Variants in PUM2 observed in about 807,000 individuals in gnomAD.
PUM2 encodes pumilio RNA binding family member 2, also known as pumilio homolog 2.
PUM2 carries 57 observed loss-of-function variants against 124.5 expected under a neutral mutation model. The ratio of observed to expected loss-of-function variants is 0.46; its 90% CI spans 0.37 to 0.57. PUM2 has a LOEUF of 0.57. PUM2 is among the 20% of genes least tolerant of loss of function. PUM2 has a pLI of 0.00. For synonymous variants in PUM2, 460 were observed against 446.1 expected (o/e 1.03, Z -0.39); for missense variants, 1,065 against 1,290.6 (o/e 0.83, Z 2.68).
intron 1 of PUM2, among the ~76,000 whole-genome samples, chr2:20,347,207 C>T (rs1688408108): frequency 2.6e-5 from 4 of 152,218 alleles, no homozygotes; most frequent in Admixed American, 2.6e-4. Context: ...TGAAACTATG[C>T]TTTTGCCAAC....
chr2:20,333,251 C>T (rs916080383), intron 1 of PUM2, among the ~76,000 whole-genome samples: 3 of 152,114 alleles, frequency 2.0e-5, no homozygotes, highest in Non-Finnish European at 2.9e-5. Context: ...AAAATGTCAA[C>T]AACTGAGCAC....
chr2:20,324,083 C>T (rs181132423), intron 2 of PUM2, among the ~76,000 whole-genome samples: 3 of 152,238 alleles, frequency 2.0e-5, no homozygotes, highest in South Asian at 4.1e-4. Context: ...GCTATTTAAA[C>T]ACTATTTGAA....
intron 3 of PUM2, among the ~76,000 whole-genome samples, chr2:20,317,859 A>G (rs986036815): frequency 6.6e-6 from 1 of 152,126 alleles, no homozygotes; most frequent in African/African-American, 2.4e-5. Flanking sequence ...GCTGCAAAGG[A>G]CATTATCTCA....
At chr2:20,324,215 C>A (rs1209367315) in intron 2 of PUM2, among the ~76,000 whole-genome samples, 1 of 152,128 alleles carries the variant, frequency 6.6e-6, no homozygotes, top group African/African-American at 2.4e-5. Flanking sequence ...GTCAGTCTTA[C>A]TCAAGGTCAT....
At position 20,298,399 on chromosome 2, in the gene PUM2, C is replaced by T. The variant is rs184178767; in HGVS notation, c.884-721G>A. ...GCTTAAAGGCCAGTTACACTCACTT[C>T]TGAGTAACATACGTCCATATGAATT... On this transcript the variant is annotated intron_variant, in intron 7 of 20. Transcript: ENST00000361078. Among the ~76,000 whole-genome samples, 517 of 152,262 alleles carry T rather than the reference C, an allele frequency of 3.4e-3. 6 individuals carry two copies. Among genetic ancestry groups the T allele is most frequent in the African/African-American group, 0.012 (498 of 41,556 alleles).
chr2:20,324,813 A>G (rs1683282373), intron 2 of PUM2, among the ~76,000 whole-genome samples: 4 of 152,216 alleles, frequency 2.6e-5, no homozygotes, highest in Admixed American at 2.6e-4. Context: ...ATTTGAAATT[A>G]GTCCTACATG....
rs1327580150 is a variant in PUM2, at chr2:20,294,533, C to T, written c.1010-15G>A. On this transcript the variant is annotated splice_polypyrimidine_tract_variant and intron_variant, in intron 8 of 20. Transcript: ENST00000361078. The stretch of plus-strand genomic sequence containing the variant: ...CACTGCTGGACCTAAACCCCACACC[C>T]GACCCCCGAATAAAAAGTTACTAGA... The T allele has an allele frequency of 2.5e-6, 4 of 1,578,066 alleles. No individual in the cohort carries two copies. The highest frequency in any genetic ancestry group is 2.6e-6 in the Non-Finnish European group (3 of 1,162,390).
upstream of PUM2, among the ~76,000 whole-genome samples, chr2:20,351,062 T>C (rs562749621): frequency 6.6e-5 from 10 of 152,186 alleles, no homozygotes; most frequent in Middle Eastern, 3.4e-3. Flanking sequence ...GGGCTCGCGC[T>C]TCCCTCCTGG....
At chr2:20,273,670 G>T (rs1015466108) in intron 13 of PUM2, among the ~76,000 whole-genome samples, 3 of 152,082 alleles carry the variant, frequency 2.0e-5, no homozygotes, top group Admixed American at 1.3e-4. Flanking sequence ...GTCTACCAGA[G>T]GGTTGTAGCT....
rs1689173857 is a variant in PUM2 at position 20,350,639 on chromosome 2, G to T, written c.-61C>A. The T allele has an allele frequency of 4.1e-6, 4 of 985,500 alleles. No individual in the cohort carries two copies. Among genetic ancestry groups the T allele is most frequent in the Non-Finnish European group, 4.8e-6 (4 of 830,028 alleles). 61.0% of individuals were successfully genotyped at this position (985,500 alleles called of 1,614,324 possible). On this transcript the variant is annotated 5_prime_UTR_variant, in exon 1 of 21. Coordinates refer to ENST00000361078, the MANE Select transcript of PUM2 (RefSeq NM_015317.5). ...GCTGCCTCAGCCGGGGACACCGACCGTTGGGCACACGGCGGCGTCGCTCTT... is the reference window on the plus strand; with the variant it reads ...GCTGCCTCAGCCGGGGACACCGACCTTTGGGCACACGGCGGCGTCGCTCTT...
At chr2:20,346,958 T>G (rs184052917) in intron 1 of PUM2, among the ~76,000 whole-genome samples, 1 of 152,296 alleles carries the variant, frequency 6.6e-6, no homozygotes, top group East Asian at 1.9e-4. Context: ...ATCTAACACT[T>G]CAATTACCTC....
intron 1 of PUM2, among the ~76,000 whole-genome samples, chr2:20,332,262 T>C (rs941197083): frequency 6.0e-5 from 9 of 149,388 alleles, no homozygotes; most frequent in Non-Finnish European, 1.0e-4. Flanking sequence ...TGCTTTCAAC[T>C]TTTTCACTTA....
In PUM2 at chr2:20,350,643, G is replaced by C; in HGVS notation, c.-65C>G. The C allele has an allele frequency of 9.1e-6, 9 of 985,448 alleles. No homozygotes were observed. The highest frequency in any genetic ancestry group is 1.1e-5 in the Non-Finnish European group (9 of 830,002). The allele number at this position is 985,448 out of a possible 1,614,324, so 61.0% of individuals were successfully genotyped here. A position where few individuals can be genotyped will look rare whatever the true frequency, so the allele number is the denominator to read the frequency against. ...CCTCAGCCGGGGACACCGACCGTTG[G>C]GCACACGGCGGCGTCGCTCTTGGCG... On this transcript the variant is annotated 5_prime_UTR_variant, in exon 1 of 21. Coordinates refer to ENST00000361078, the MANE Select transcript of PUM2 (RefSeq NM_015317.5).
chr2:20,265,195 T>C (rs1369459342), intron 13 of PUM2, among the ~76,000 whole-genome samples: 2 of 148,034 alleles, frequency 1.4e-5, no homozygotes, highest in African/African-American at 5.0e-5. Flanking sequence ...GAGGTTGCAG[T>C]GAGCAGAGAT....
chr2:20,284,359 T>C (rs1249219027), intron 10 of PUM2, among the ~76,000 whole-genome samples: 6 of 151,956 alleles, frequency 3.9e-5, no homozygotes, highest in African/African-American at 1.2e-4. Flanking sequence ...CATTGGCAAC[T>C]TTTTTTTCCC....
intron 1 of PUM2, among the ~76,000 whole-genome samples, chr2:20,342,632 C>T (rs1381696611): frequency 6.6e-6 from 1 of 152,000 alleles, no homozygotes; most frequent in Non-Finnish European, 1.5e-5. Flanking sequence ...CTAGGAAAAC[C>T]CTAACTTACG....
intron 1 of PUM2, among the ~76,000 whole-genome samples, chr2:20,349,540 GAT>G (rs887618328): frequency 6.6e-6 from 1 of 151,338 alleles, no homozygotes; most frequent in Non-Finnish European, 1.5e-5. Context: ...TTATTTACAG[GAT>G]TCCTTAAGTC....
chr2:20,261,322 C>T (rs1264568458), intron 14 of PUM2, among the ~76,000 whole-genome samples: 1 of 135,876 alleles, frequency 7.4e-6, no homozygotes, highest in Non-Finnish European at 1.5e-5. Context: ...ACCCAGGAGG[C>T]GGAGGAGGTT....
At chr2:20,349,733 C>T (rs1166309456) in intron 1 of PUM2, among the ~76,000 whole-genome samples, 4 of 152,160 alleles carry the variant, frequency 2.6e-5, no homozygotes, top group Non-Finnish European at 5.9e-5. Context: ...CTCATGTTTT[C>T]CTTCACCAAA....
Sources: gnomAD v4.1 joint callset for allele counts (sites outside exome capture counted in the v4.1 genomes callset) on GRCh38, gnomAD v4.1.1 for gene constraint, MANE v1.5 for transcripts, NCBI Gene and HGNC (gene_info 2026-07-23, HGNC 2026-07-21) for gene names.